Variants in C5orf46 observed in about 807,000 individuals in gnomAD.
C5orf46 encodes chromosome 5 open reading frame 46.
A neutral mutation model predicts 8.9 loss-of-function variants in C5orf46; 9 were observed. The ratio of observed to expected loss-of-function variants is 1.01; its 90% CI spans 0.61 to 1.76. The LOEUF (loss-of-function observed/expected upper bound fraction) is 1.76, where lower values mean the gene tolerates loss of function less well. C5orf46 is among the 40% of genes most tolerant of loss of function. The pLI is 0.00. For synonymous variants in C5orf46, 47 were observed against 41.4 expected (o/e 1.14, Z -0.52); for missense variants, 98 against 107.8 (o/e 0.91, Z 0.40).
intron 1 of C5orf46, among the ~76,000 whole-genome samples, chr5:147,905,698 G>A (rs1253547509): frequency 6.6e-6 from 1 of 152,120 alleles, no homozygotes; most frequent in Non-Finnish European, 1.5e-5. Context: ...GAAAGAAATA[G>A]TTGCTCGATA....
chr5:147,901,249 C>G (rs778214000), intron 2 of C5orf46: 2 of 158,046 alleles, frequency 1.3e-5, no homozygotes, highest in Non-Finnish European at 2.8e-5. Flanking sequence ...AAAATATGAG[C>G]AAATAGAGGC....
chr5:147,894,780 G>A (rs1267939981), intron 3 of C5orf46, among the ~76,000 whole-genome samples: 1 of 151,570 alleles, frequency 6.6e-6, no homozygotes, highest in African/African-American at 2.4e-5. Flanking sequence ...GGGAGGGATC[G>A]GCCGGGAATG....
downstream of C5orf46, among the ~76,000 whole-genome samples, chr5:147,890,242 T>C (rs1395867454): frequency 6.6e-6 from 1 of 152,122 alleles, no homozygotes; most frequent in Non-Finnish European, 1.5e-5. Flanking sequence ...GCAAAAATCA[T>C]GAGATATTCA....
At chr5:147,901,979 G>A (rs1757679049) in intron 1 of C5orf46, among the ~76,000 whole-genome samples, 1 of 152,232 alleles carries the variant, frequency 6.6e-6, no homozygotes, top group Admixed American at 6.5e-5. Flanking sequence ...CAAATAGACC[G>A]ACTGATATTG....
chr5:147,903,023 C>A (rs1040906337), intron 1 of C5orf46, among the ~76,000 whole-genome samples: 5 of 152,100 alleles, frequency 3.3e-5, no homozygotes, highest in Non-Finnish European at 5.9e-5. Flanking sequence ...TTCTTAAGGG[C>A]CCATTGGAAT....
At chr5:147,887,047 A>G (rs372317096) in intron 2 of C5orf46, 1 of 148,058 alleles carries the variant, frequency 6.8e-6, no homozygotes, top group Non-Finnish European at 1.5e-5. Flanking sequence ...ATCCCTTTTT[A>G]TTATGTGCTG....
chr5:147,889,384 C>T (rs567864332), downstream of C5orf46, among the ~76,000 whole-genome samples: 272 of 152,202 alleles, frequency 1.8e-3, 1 homozygote, highest in African/African-American at 6.2e-3. Flanking sequence ...TGGGAATAAT[C>T]GGATTAGTGT....
At chr5:147,894,956 G>A (rs541696209) in intron 3 of C5orf46, among the ~76,000 whole-genome samples, 43 of 151,864 alleles carry the variant, frequency 2.8e-4, no homozygotes, top group South Asian at 8.4e-4. Flanking sequence ...CCAGCTACTC[G>A]GGAGGCTGAG....
chr5:147,893,045 T>C (rs955814862), intron 3 of C5orf46, 106 bp from the exon 4 acceptor site: 6 of 152,226 alleles, frequency 3.9e-5, no homozygotes, highest in Non-Finnish European at 8.8e-5. Flanking sequence ...ATTTTTATGC[T>C]TCTGCACTTT....
intron 3 of C5orf46, among the ~76,000 whole-genome samples, chr5:147,895,115 C>T: frequency 6.6e-6 from 1 of 151,856 alleles, no homozygotes; most frequent in Non-Finnish European, 1.5e-5. Context: ...ATCTATCCAA[C>T]TACCTATCTT....
intron 2 of C5orf46, chr5:147,887,376 A>G (rs1377921651): frequency 6.6e-6 from 1 of 152,140 alleles, no homozygotes; most frequent in Admixed American, 6.5e-5. Context: ...CTTTCTAGTA[A>G]CTACCTCTGA....
At chr5:147,894,633 A>G (rs115838881) in intron 3 of C5orf46, among the ~76,000 whole-genome samples, 2,183 of 152,146 alleles carry the variant, frequency 0.014, 55 homozygotes, top group African/African-American at 0.049. Context: ...CAGTTATGAG[A>G]TACACAGAGC....
At chr5:147,893,145 A>G (rs1397176087) in intron 3 of C5orf46, among the ~76,000 whole-genome samples, 1 of 152,216 alleles carries the variant, frequency 6.6e-6, no homozygotes, top group Non-Finnish European at 1.5e-5. Context: ...TTCAGAGTAT[A>G]TAAAGAAAGA....
At chr5:147,897,073 A>G (rs1282273732) in intron 2 of C5orf46, 32 bp from the exon 3 acceptor site, 1 of 1,095,330 alleles carries the variant, frequency 9.1e-7, no homozygotes, top group Non-Finnish European at 1.4e-6. Flanking sequence ...AAGAATTACA[A>G]TTGAGACTGA....
Position 147,903,191 on chromosome 5 carries a change from G to A in C5orf46, c.71-1418C>T, listed in dbSNP as rs538966391. On this transcript the variant is annotated intron_variant, in intron 1 of 3. Coordinates refer to ENST00000318315, the MANE Select transcript of C5orf46 (RefSeq NM_206966.3). ...CTCTGAGCCCTGGTCACAGGATAAA[G>A]TGGGACCTTTATTTTTTAATTGTAT... Among the ~76,000 whole-genome samples the A allele has an allele frequency of 6.0e-4, 92 of 152,306 alleles. No individual in the cohort carries two copies. The South Asian group carries it at 9.3e-3, about 15-fold the overall frequency.
intron 2 of C5orf46, chr5:147,886,792 T>C (rs1299397190): frequency 1.3e-5 from 2 of 152,162 alleles, no homozygotes; most frequent in Non-Finnish European, 2.9e-5. Context: ...TAAAAAGTGC[T>C]ATAGTGAGCA....
rs181336994 is a variant in C5orf46, at chr5:147,894,285, G to T, written c.*10-1346C>A. ...TCAAATGACTTAAGACACAAAAAAAGATGACTTGAATTCATATGGTTTTAA... is the reference window on the plus strand; with the variant it reads ...TCAAATGACTTAAGACACAAAAAAATATGACTTGAATTCATATGGTTTTAA... On this transcript the variant is annotated intron_variant, in intron 3 of 3. Transcript: ENST00000318315. Among the ~76,000 whole-genome samples the T allele has an allele frequency of 2.0e-5, 3 of 152,090 alleles. No homozygotes were observed. The East Asian group carries it at 5.8e-4, about 29-fold the overall frequency.
At chr5:147,899,301 C>T (rs957614280) in intron 2 of C5orf46, among the ~76,000 whole-genome samples, 2 of 152,152 alleles carry the variant, frequency 1.3e-5, no homozygotes, top group African/African-American at 2.4e-5. Context: ...CTGCTTTGTA[C>T]ATGTTAAGTG....
downstream of C5orf46, chr5:147,887,776 T>A (rs1757443828): frequency 6.6e-6 from 1 of 152,220 alleles, no homozygotes; most frequent in Non-Finnish European, 1.5e-5. Flanking sequence ...TTAGGTCATT[T>A]CTATGGACAT....
Sources: gnomAD v4.1 joint callset for allele counts (sites outside exome capture counted in the v4.1 genomes callset) on GRCh38, gnomAD v4.1.1 for gene constraint, MANE v1.5 for transcripts, NCBI Gene and HGNC (gene_info 2026-07-23, HGNC 2026-07-21) for gene names.